Variants in EFCAB6 observed in about 807,000 individuals in gnomAD.
The protein encoded by EFCAB6 is EF-hand calcium binding domain 6.
A neutral mutation model predicts 169.8 loss-of-function variants in EFCAB6; 156 were observed. The observed-to-expected ratio is 0.92, with a 90% CI of 0.81 to 1.05. EFCAB6 has a LOEUF of 1.05. Among genes scored for constraint, EFCAB6 ranks in the 50% least tolerant of loss-of-function variants. EFCAB6 has a pLI of 0.00. For missense variants in EFCAB6, 1,800 were observed against 1,829.1 expected (o/e 0.98, Z 0.29); for synonymous variants, 698 against 676.4 (o/e 1.03, Z -0.50).
At chr22:43,569,159 T>C (rs1457758561) in intron 26 of EFCAB6, among the ~76,000 whole-genome samples, 1 of 152,172 alleles carries the variant, frequency 6.6e-6, no homozygotes, top group Non-Finnish European at 1.5e-5. Flanking sequence ...AAAGGGAGGC[T>C]TCAGAGCCAG....
At chr22:43,609,175 G>A (rs1319385309) in intron 21 of EFCAB6, among the ~76,000 whole-genome samples, 2 of 152,224 alleles carry the variant, frequency 1.3e-5, no homozygotes, top group East Asian at 3.8e-4. Flanking sequence ...ACAACATGAT[G>A]AGGTGGATAT....
intron 20 of EFCAB6, among the ~76,000 whole-genome samples, chr22:43,618,710 G>A (rs1293676643): frequency 6.6e-6 from 1 of 152,138 alleles, no homozygotes; most frequent in East Asian, 1.9e-4. Context: ...AGGATGGAGG[G>A]CCTCTTCGGG....
rs1225862598 is a variant in EFCAB6, at chr22:43,731,775, T to C, written c.681A>G (p.Ala227=). ...TCTTCAAAAACACGTTGTAATCTAC[T>C]GCAGTATCCTTGTGGATGTTGTAGT... ...SKHYNIHKDT[A]VDYNVFLKNL... is the part of the protein sequence containing the mutation. The change falls in exon 8 of 32, where the codon GCA becomes GCG. Residue 227 remains alanine, a synonymous_variant. Coordinates refer to ENST00000262726, the MANE Select transcript of EFCAB6 (RefSeq NM_022785.4). 1 of 1,599,812 alleles carries C rather than the reference T, an allele frequency of 6.3e-7. No homozygotes were observed. The highest frequency in any genetic ancestry group is 8.5e-7 in the Non-Finnish European group (1 of 1,175,040).
At chr22:43,620,124 C>T (rs1264271673) in intron 20 of EFCAB6, among the ~76,000 whole-genome samples, 1 of 152,054 alleles carries the variant, frequency 6.6e-6, no homozygotes, top group Admixed American at 6.6e-5. Flanking sequence ...TCGAGACCAG[C>T]ATGGGCAACA....
At chr22:43,660,299 G>T (rs533733467) in intron 17 of EFCAB6, among the ~76,000 whole-genome samples, 38 of 152,134 alleles carry the variant, frequency 2.5e-4, no homozygotes, top group Admixed American at 1.6e-3. Context: ...ATTTCCCCTG[G>T]TGTCAGAAAC....
chr22:43,757,894 T>C (rs1017266379), intron 5 of EFCAB6, among the ~76,000 whole-genome samples: 1 of 152,244 alleles, frequency 6.6e-6, no homozygotes, highest in African/African-American at 2.4e-5. Context: ...TAGCTTTCCT[T>C]AGATTAATAT....
chr22:43,782,099 C>G, intron 3 of EFCAB6, 81 bp downstream of exon 3: 1 of 1,406,026 alleles, frequency 7.1e-7, no homozygotes, highest in Non-Finnish European at 9.7e-7. Context: ...CATATGAGTC[C>G]TTTGAACTAA....
chr22:43,561,356 CAAA>C (rs768942774), intron 26 of EFCAB6, among the ~76,000 whole-genome samples: 1 of 112,138 alleles, frequency 8.9e-6, no homozygotes. Context: ...GACTCTGTCT[CAAA>C]AAAAAAAAAA....
At chr22:43,651,568 T>C (rs2056469989) in intron 17 of EFCAB6, among the ~76,000 whole-genome samples, 1 of 152,174 alleles carries the variant, frequency 6.6e-6, no homozygotes, top group South Asian at 2.1e-4. Context: ...CACTGCCTAG[T>C]GGAGCTGTGA....
intron 20 of EFCAB6, among the ~76,000 whole-genome samples, chr22:43,623,393 G>A (rs2054242847): frequency 6.6e-6 from 1 of 152,164 alleles, no homozygotes. Flanking sequence ...AAAGGAATAA[G>A]TCATTGGATC....
chr22:43,529,776 C>A (rs1455430355), intron 31 of EFCAB6, among the ~76,000 whole-genome samples: 3 of 152,178 alleles, frequency 2.0e-5, no homozygotes, highest in Admixed American at 1.3e-4. Flanking sequence ...TGTCCAGCCA[C>A]CACACCAGCT....
intron 22 of EFCAB6, among the ~76,000 whole-genome samples, chr22:43,601,104 C>T (rs2052489478): frequency 6.6e-6 from 1 of 152,166 alleles, no homozygotes; most frequent in South Asian, 2.1e-4. Context: ...TAAAATTTCC[C>T]ATTTCCTCTT....
chr22:43,717,705 A>G (rs1163043825), intron 8 of EFCAB6, among the ~76,000 whole-genome samples: 1 of 152,168 alleles, frequency 6.6e-6, no homozygotes, highest in Non-Finnish European at 1.5e-5. Context: ...TGGCTTGTGT[A>G]TAAAAACTTG....
At chr22:43,802,733 A>G (rs2062770220) in intron 2 of EFCAB6, 4 of 506,892 alleles carry the variant, frequency 7.9e-6, no homozygotes, top group South Asian at 5.7e-5. Context: ...AGATGCCAAA[A>G]CAGACCGGGC....
At chr22:43,720,420 G>A (rs2059481375) in intron 8 of EFCAB6, among the ~76,000 whole-genome samples, 1 of 152,052 alleles carries the variant, frequency 6.6e-6, no homozygotes, top group Non-Finnish European at 1.5e-5. Context: ...GCTGAGGCAG[G>A]AGAACTGCTT....
chr22:43,704,950 A>G (rs572843350), intron 10 of EFCAB6, among the ~76,000 whole-genome samples: 133 of 152,236 alleles, frequency 8.7e-4, no homozygotes, highest in African/African-American at 2.6e-3. Flanking sequence ...AATAAAAAAG[A>G]CATAGAGTGA....
intron 19 of EFCAB6, among the ~76,000 whole-genome samples, chr22:43,627,953 C>A (rs2054639642): frequency 6.6e-6 from 1 of 152,176 alleles, no homozygotes; most frequent in African/African-American, 2.4e-5. Context: ...AAAGATGCCG[C>A]CCCTGCCTCC....
At position 43,685,735 on chromosome 22, in the gene EFCAB6, C is replaced by T. The variant is rs189772271; in HGVS notation, c.1142+1736G>A. The stretch of plus-strand genomic sequence containing the variant: ...CTGCAGTTATGAAACTGGGTGCATG[C>T]GATTACCCACCATAGGGATATGCAT... On this transcript the variant is annotated intron_variant, in intron 11 of 31. Transcript: ENST00000262726. Among the ~76,000 whole-genome samples the T allele has an allele frequency of 5.3e-5, 8 of 152,192 alleles. No individual in the cohort carries two copies. In the South Asian group the frequency reaches 6.2e-4, roughly 12 times the overall value.
chr22:43,602,361 C>T (rs1013530313), intron 22 of EFCAB6, among the ~76,000 whole-genome samples: 5 of 152,244 alleles, frequency 3.3e-5, no homozygotes, highest in Non-Finnish European at 7.3e-5. Context: ...CCCGAGGCTT[C>T]TCTTTGGCTG....
Sources: allele counts gnomAD v4.1 joint callset (sites outside exome capture counted in the v4.1 genomes callset), GRCh38; gene constraint gnomAD v4.1.1; transcripts MANE v1.5; gene names NCBI Gene and HGNC (gene_info 2026-07-23, HGNC 2026-07-21).